The following PCED1B variants were observed in gnomAD, a reference collection of about 807,000 sequenced individuals.
PCED1B encodes the protein PC-esterase domain-containing protein 1B.
For synonymous variants in PCED1B, 251 were observed against 246.1 expected, an observed-to-expected ratio of 1.02 and a Z score of -0.19; for missense variants, 573 against 573.9, an observed-to-expected ratio of 1.00 and a Z score of 0.02.
chr12:47,192,016 C>G (rs1942456826), intron 2 of PCED1B, among the ~76,000 whole-genome samples: 1 of 152,116 alleles, frequency 6.6e-6, no homozygotes, highest in Non-Finnish European at 1.5e-5. Flanking sequence ...CTCAATAGAA[C>G]ACCAATTTAA....
chr12:47,167,912 C>T (rs1941597286), intron 2 of PCED1B, among the ~76,000 whole-genome samples: 1 of 152,122 alleles, frequency 6.6e-6, no homozygotes, highest in African/African-American at 2.4e-5. Flanking sequence ...GACCAGCTGC[C>T]AGAGGAGGCA....
intron 2 of PCED1B, among the ~76,000 whole-genome samples, chr12:47,174,672 G>A (rs1320798045): frequency 1.3e-5 from 2 of 152,198 alleles, no homozygotes; most frequent in South Asian, 2.1e-4. Flanking sequence ...TGACAGTTTT[G>A]TAAAAGGATA....
rs530215958 is a variant in PCED1B, at chr12:47,130,604, G to T, written c.-526+26409G>T. Among the ~76,000 whole-genome samples the T allele has an allele frequency of 7.2e-5, 11 of 152,280 alleles. No homozygotes were observed. In the East Asian group the frequency reaches 2.1e-3, roughly 29 times the overall value. The stretch of plus-strand genomic sequence containing the variant: ...CTTAGGAGGCTAAGGCAGGAGGATT[G>T]CTTGAGCTCAGGAATTCAAGGCTGC... On this transcript the variant is annotated intron_variant, in intron 2 of 3. Transcript: ENST00000546455.
At chr12:47,080,117 C>A (rs1281307133) in intron 1 of PCED1B, among the ~76,000 whole-genome samples, 1 of 152,134 alleles carries the variant, frequency 6.6e-6, no homozygotes, top group Non-Finnish European at 1.5e-5. Flanking sequence ...ACCTCTAGAA[C>A]GGCCGCGCAG....
intron 2 of PCED1B, among the ~76,000 whole-genome samples, chr12:47,108,394 C>G (rs1939049701): frequency 6.6e-6 from 1 of 152,200 alleles, no homozygotes; most frequent in Admixed American, 6.5e-5. Flanking sequence ...CAATGACTTC[C>G]TCTCCCAGAA....
chr12:47,217,642 T>G (rs2137812677), intron 3 of PCED1B, among the ~76,000 whole-genome samples: 1 of 152,278 alleles, frequency 6.6e-6, no homozygotes, highest in South Asian at 2.1e-4. Context: ...AGTGGTGCTA[T>G]CTCTGCTCAC....
At position 47,089,461 on chromosome 12, in the gene PCED1B, C is replaced by CATGTATATATATATATATATATATAT. The variant is rs1233280547; in HGVS notation, c.-609+9738_-609+9739insGTATATATATATATATATATATATAT. The stretch of plus-strand genomic sequence containing the variant: ...GACTCCATCTCAAAAAAAAAAAATA[C>CATGTATATATATATATATATATATAT]ATATATATATATATATATATATATA... On this transcript the variant is annotated intron_variant, in intron 1 of 3. Transcript: ENST00000546455. Among the ~76,000 whole-genome samples the CATGTATATATATATATATATATATAT allele has an allele frequency of 3.0e-4, 19 of 63,410 alleles. 1 individual carries two copies. Among genetic ancestry groups the CATGTATATATATATATATATATATAT allele is most frequent in the Admixed American group, 1.3e-3 (5 of 3,750 alleles). 41.6% of individuals were successfully genotyped at this position (63,410 alleles called of 152,430 possible). A position where few individuals can be genotyped will look rare whatever the true frequency, so the allele number is the denominator to read the frequency against.
At chr12:47,207,675 T>A (rs1302313017) in intron 2 of PCED1B, among the ~76,000 whole-genome samples, 1 of 152,230 alleles carries the variant, frequency 6.6e-6, no homozygotes, top group Non-Finnish European at 1.5e-5. Flanking sequence ...TACACAAATA[T>A]GTAAGTATGC....
chr12:47,197,238 C>CAAAAAAAAA (rs57095369), intron 2 of PCED1B, among the ~76,000 whole-genome samples: 1 of 58,616 alleles, frequency 1.7e-5, no homozygotes, highest in Admixed American at 2.6e-4. Flanking sequence ...GACTCTGTCT[C>CAAAAAAAAA]AAAAAAAAAA....
intron 2 of PCED1B, among the ~76,000 whole-genome samples, chr12:47,108,924 C>T (rs1440401976): frequency 3.9e-5 from 6 of 152,182 alleles, no homozygotes; most frequent in Non-Finnish European, 7.3e-5. Context: ...TGTAATACTT[C>T]GGGGCACACA....
chr12:47,219,712 C>A (rs1943413500), intron 3 of PCED1B, among the ~76,000 whole-genome samples: 1 of 152,130 alleles, frequency 6.6e-6, no homozygotes, highest in Admixed American at 6.6e-5. Flanking sequence ...AAATTTAAAG[C>A]TGTGCACAAA....
At chr12:47,186,439 GTGTTGTCCCTTTA>G (rs1387525805) in intron 2 of PCED1B, among the ~76,000 whole-genome samples, 1 of 151,806 alleles carries the variant, frequency 6.6e-6, no homozygotes, top group Non-Finnish European at 1.5e-5. Context: ...CAGTGATAAG[GTGTTGTCCCTTTA>G]TGTTATCCCT....
intron 2 of PCED1B, among the ~76,000 whole-genome samples, chr12:47,145,240 G>A (rs1417622298): frequency 6.6e-6 from 1 of 152,198 alleles, no homozygotes; most frequent in Non-Finnish European, 1.5e-5. Flanking sequence ...TATGAAGACT[G>A]AAAAAGGTGA....
intron 2 of PCED1B, among the ~76,000 whole-genome samples, chr12:47,120,961 A>C (rs1464413752): frequency 6.6e-6 from 1 of 152,202 alleles, no homozygotes; most frequent in Non-Finnish European, 1.5e-5. Flanking sequence ...TAAAGACAGA[A>C]GGTAGATTCG....
chr12:47,126,492 G>C (rs1439369134), intron 2 of PCED1B, among the ~76,000 whole-genome samples: 2 of 152,040 alleles, frequency 1.3e-5, no homozygotes, highest in East Asian at 3.9e-4. Context: ...CTTTGGTTTT[G>C]GTATCAACAT....
chr12:47,093,250 T>C (rs923328397), intron 1 of PCED1B, among the ~76,000 whole-genome samples: 3 of 152,038 alleles, frequency 2.0e-5, no homozygotes, highest in African/African-American at 4.8e-5. Context: ...TTCATCCAAA[T>C]TGTCAAATTT....
chr12:47,214,640 T>A (rs1350475054), intron 2 of PCED1B, among the ~76,000 whole-genome samples: 1 of 151,518 alleles, frequency 6.6e-6, no homozygotes, highest in Non-Finnish European at 1.5e-5. Flanking sequence ...AGACCAAATC[T>A]CAATTCAAAA....
intron 2 of PCED1B, among the ~76,000 whole-genome samples, chr12:47,204,658 C>T (rs1942863627): frequency 6.6e-6 from 1 of 152,100 alleles, no homozygotes; most frequent in Non-Finnish European, 1.5e-5. Context: ...CCCAGGGCTA[C>T]CTTGCACTTT....
intron 2 of PCED1B, among the ~76,000 whole-genome samples, chr12:47,179,026 A>C (rs746333763): frequency 3.9e-5 from 6 of 152,210 alleles, no homozygotes; most frequent in Non-Finnish European, 5.9e-5. Context: ...AACTTTGAAA[A>C]GTAATTACAT....
Sources: allele counts gnomAD v4.1 joint callset (sites outside exome capture counted in the v4.1 genomes callset), GRCh38; gene constraint gnomAD v4.1.1; transcripts MANE v1.5; gene names NCBI Gene and HGNC (gene_info 2026-07-23, HGNC 2026-07-21).